Variants in HNF1A observed in about 807,000 individuals in gnomAD.
The protein encoded by HNF1A is hepatocyte nuclear factor 1-alpha.
Under a neutral mutation model 62.2 loss-of-function variants are expected in HNF1A, and 21 were observed. That is an observed-to-expected ratio of 0.34 (90% CI 0.24 to 0.49). HNF1A has a LOEUF of 0.49. HNF1A is among the 20% of genes least tolerant of loss of function. HNF1A has a pLI of 0.99. For missense variants in HNF1A, 687 were observed against 832.3 expected (o/e 0.83, Z 2.15); for synonymous variants, 374 against 366.8 (o/e 1.02, Z -0.22).
intron 6 of HNF1A, 66 bp from the exon 7 acceptor site, chr12:120,997,408 G>C: frequency 6.7e-7 from 1 of 1,496,150 alleles, no homozygotes. Flanking sequence ...GGTGCCCTTG[G>C]GAGGTCTTGG....
chr12:120,979,445 T>A (rs1876137623), intron 1 of HNF1A, among the ~76,000 whole-genome samples: 1 of 152,228 alleles, frequency 6.6e-6, no homozygotes, highest in African/African-American at 2.4e-5. Context: ...TTAGCCACTC[T>A]GATCATTTAT....
chr12:120,988,696 G>C (rs1593054047), intron 1 of HNF1A, 137 bp from the exon 2 acceptor site: 1 of 746,562 alleles, frequency 1.3e-6, no homozygotes, highest in East Asian at 2.7e-5. Context: ...CTATGTGTAG[G>C]CCCCTGGGCT....
intron 9 of HNF1A, 87 bp downstream of exon 9, chr12:120,999,714 T>G (rs1338174296): frequency 3.3e-6 from 5 of 1,495,620 alleles, no homozygotes; most frequent in Non-Finnish European, 4.5e-6. Context: ...TCCGTCACTG[T>G]GGGGCTGTGC....
chr12:120,997,324 C>A, intron 6 of HNF1A, 150 bp from the exon 7 acceptor site: 1 of 1,338,484 alleles, frequency 7.5e-7, no homozygotes, highest in Non-Finnish European at 9.9e-7. Flanking sequence ...AAATTAGTGG[C>A]AGGTCCCAGT....
chr12:120,996,365 C>T lies in HNF1A; in HGVS notation c.1059C>T (p.Pro353=). The change falls in exon 5 of 10, where the codon CCC becomes CCT. Residue 353 remains proline, a synonymous_variant. Transcript: ENST00000257555. This position sits in a 1 kb window ranked among gnomAD's most constrained non-coding sequence, Gnocchi z 4.5. ...CTACACCCCTCCACCAAGTGTCCCC[C>T]ACGGGCCTGGAGCCCAGCCACAGCC... ...TVSTPLHQVS[P]TGLEPSHSLL... The T allele has an allele frequency of 6.2e-7, 1 of 1,614,194 alleles. No homozygotes were observed. Among genetic ancestry groups the T allele is most frequent in the Non-Finnish European group, 8.5e-7 (1 of 1,180,034 alleles).
At position 120,978,684 on chromosome 12, in the gene HNF1A, G is replaced by A. The variant is rs1022343054; in HGVS notation, c.-85G>A. On this transcript the variant is annotated 5_prime_UTR_variant, in exon 1 of 10. Coordinates refer to ENST00000257555, the MANE Select transcript of HNF1A (RefSeq NM_000545.8). ...GCAAGGAGTTTGGTTTGTGTCTGCC[G>A]GCCGGCAGGCAAACGCAACCCACGC... 22 of 1,314,504 alleles carry A rather than the reference G, an allele frequency of 1.7e-5. No individual in the cohort carries two copies. The highest frequency in any genetic ancestry group is 2.3e-5 in the East Asian group (1 of 43,546). The allele number at this position is 1,314,504 out of a possible 1,614,324, so 81.4% of individuals were successfully genotyped here.
chr12:120,993,698 G>C lies in HNF1A; in HGVS notation c.705G>C (p.Glu235Asp), dbSNP rs2135839950. ...AGGAGCGAGAGACGCTAGTGGAGGA[G>C]TGCAATAGGTACAACGGCGGGCGGG... ...SKEERETLVE[E>D]CNRAECIQRG... The change falls in exon 3 of 10, where the codon GAG (glutamate) becomes GAC (aspartate). Residue 235 changes from glutamate to aspartate, a missense_variant. Glu to Asp is a conservative substitution (Grantham distance 45). This residue lies in a region of HNF1A where 47 missense variants were observed against 109.4 expected (regional missense o/e 0.43). Coordinates refer to ENST00000257555, the MANE Select transcript of HNF1A (RefSeq NM_000545.8). The C allele has an allele frequency of 6.2e-7, 1 of 1,613,958 alleles. No homozygotes were observed. Among genetic ancestry groups the C allele is most frequent in the East Asian group, 2.2e-5 (1 of 44,874 alleles).
intron 1 of HNF1A, among the ~76,000 whole-genome samples, chr12:120,983,311 G>A (rs1000651296): frequency 6.6e-6 from 1 of 152,164 alleles, no homozygotes; most frequent in African/African-American, 2.4e-5. Context: ...CTGTGCACCA[G>A]GCATTGCCCT....
chr12:120,991,316 G>T (rs1170184104), intron 2 of HNF1A, among the ~76,000 whole-genome samples: 1 of 152,196 alleles, frequency 6.6e-6, no homozygotes, highest in Admixed American at 6.5e-5. Flanking sequence ...TATGCAGGCC[G>T]GGCGCAGTGG....
At chr12:120,991,725 C>T (rs1876850721) in intron 2 of HNF1A, among the ~76,000 whole-genome samples, 1 of 152,178 alleles carries the variant, frequency 6.6e-6, no homozygotes, top group African/African-American at 2.4e-5. Flanking sequence ...TGTTCACACT[C>T]TACTGTGCTG....
chr12:120,983,908 T>G lies in HNF1A; in HGVS notation c.326+4814T>G, dbSNP rs79421769. On this transcript the variant is annotated intron_variant, in intron 1 of 9. Coordinates refer to ENST00000257555, the MANE Select transcript of HNF1A (RefSeq NM_000545.8). ...CTGCCCTCAAAAATAGTCAGGCCCT[T>G]GAAGACTCTGTGTGTGTGTGTGTGT... is the stretch of plus-strand genomic sequence containing the variant. 6.2e-3 allele frequency among the ~76,000 whole-genome samples: 333 copies of G among 53,774 alleles called. 10 individuals carry two copies. The East Asian group carries it at 0.13, about 22-fold the overall frequency. The allele number at this position is 53,774 out of a possible 152,430, so 35.3% of individuals were successfully genotyped here.
Position 120,993,530 on chromosome 12 carries a change from T to C in HNF1A, c.537T>C (p.His179=), listed in dbSNP as rs765329757. The change falls in exon 3 of 10, where the codon CAT becomes CAC. Residue 179 remains histidine (H), a synonymous_variant. Transcript: ENST00000257555. Reference sequence around the variant, plus strand: ...TTTCTGTGCCTGCAGAGTTCACCCATGCAGGGCAGGGAGGGCTGATTGAAG... The same window carrying C: ...TTTCTGTGCCTGCAGAGTTCACCCACGCAGGGCAGGGAGGGCTGATTGAAG... ...KQREVAQQFT[H]AGQGGLIEEP... 14 of 1,613,898 alleles carry C rather than the reference T, an allele frequency of 8.7e-6. No homozygotes were observed. The highest frequency in any genetic ancestry group is 4.5e-5 in the East Asian group (2 of 44,896).
intron 1 of HNF1A, among the ~76,000 whole-genome samples, chr12:120,987,191 G>A (rs1008647055): frequency 1.3e-5 from 2 of 152,052 alleles, no homozygotes; most frequent in African/African-American, 2.4e-5. Flanking sequence ...AAAACCAGCC[G>A]CGGCCGGGCG....
intron 2 of HNF1A, among the ~76,000 whole-genome samples, chr12:120,990,653 T>TAGGAAAGGGAGGAAGGA (rs1876786033): frequency 1.2e-5 from 1 of 82,840 alleles, no homozygotes; most frequent in Non-Finnish European, 2.3e-5. Flanking sequence ...GGAGGAAAGG[T>TAGGAAAGGGAGGAAGGA]AGGAAAGGGA....
intron 3 of HNF1A, among the ~76,000 whole-genome samples, 179 bp downstream of exon 3, chr12:120,993,885 C>G (rs903473137): frequency 1.3e-5 from 2 of 152,158 alleles, no homozygotes; most frequent in Non-Finnish European, 2.9e-5. Flanking sequence ...TCGCAGCCCC[C>G]CTGCACCCTG....
intron 1 of HNF1A, among the ~76,000 whole-genome samples, chr12:120,984,506 G>A (rs2135826656): frequency 6.6e-6 from 1 of 152,166 alleles, no homozygotes. Flanking sequence ...AGGAAGGGAG[G>A]ACACAGGAGG....
chr12:120,992,705 A>G (rs1419089071), intron 2 of HNF1A, among the ~76,000 whole-genome samples: 1 of 152,126 alleles, frequency 6.6e-6, no homozygotes, highest in African/African-American at 2.4e-5. Context: ...CAAAAGTGGG[A>G]GGATCACTTG....
Position 120,997,795 on chromosome 12 carries a change from T to C in HNF1A, c.1501+130T>C, listed in dbSNP as rs1216558971. The C allele has an allele frequency of 1.2e-5, 12 of 977,082 alleles. No individual in the cohort carries two copies. In the South Asian group the frequency reaches 1.7e-4, roughly 14 times the overall value. The allele number at this position is 977,082 out of a possible 1,614,324, so 60.5% of individuals were successfully genotyped here. A position where few individuals can be genotyped will look rare whatever the true frequency, so the allele number is the denominator to read the frequency against. On this transcript the variant is annotated intron_variant, in intron 7 of 9. Transcript: ENST00000257555. The stretch of plus-strand genomic sequence containing the variant: ...TCTGGGACAAGTGTGTTTCCGTGAT[T>C]GAGGGTGTCTGCAGGCCAGTGTGTT...
At chr12:120,987,605 T>C (rs866690439) in intron 1 of HNF1A, among the ~76,000 whole-genome samples, 161 of 99,698 alleles carry the variant, frequency 1.6e-3, no homozygotes, top group East Asian at 0.01. Context: ...TATATATATA[T>C]ATACACATAT....
Sources: allele counts gnomAD v4.1 joint callset (sites outside exome capture counted in the v4.1 genomes callset), GRCh38; gene constraint gnomAD v4.1.1; regional missense constraint gnomAD v4.1.1; non-coding constraint Gnocchi (gnomAD v3.1); transcripts MANE v1.5; gene names NCBI Gene and HGNC (gene_info 2026-07-23, HGNC 2026-07-21).